Variants in ADAM7 observed in about 807,000 individuals in gnomAD.
ADAM7 encodes disintegrin and metalloproteinase domain-containing protein 7.
In ADAM7, 97 loss-of-function variants were observed where a neutral mutation model predicts 102.9. The ratio of observed to expected loss-of-function variants is 0.94; its 90% CI spans 0.80 to 1.12. ADAM7 has a LOEUF of 1.12. Ranked by LOEUF, ADAM7 falls within the 50% of genes most tolerant of loss-of-function variation. The pLI is 0.00. For synonymous variants in ADAM7, 334 were observed against 304.4 expected (o/e 1.10, Z -1.01); for missense variants, 991 against 908.7 (o/e 1.09, Z -1.16).
chr8:24,494,925 C>T (rs955113566), intron 16 of ADAM7, among the ~76,000 whole-genome samples: 2 of 152,166 alleles, frequency 1.3e-5, no homozygotes, highest in Admixed American at 1.3e-4. Context: ...CCTGCATCAG[C>T]AAGGATCAAG....
At chr8:24,485,459 T>C (rs1820109064) in intron 10 of ADAM7, 98 bp downstream of exon 10, 2 of 1,008,592 alleles carry the variant, frequency 2.0e-6, no homozygotes, top group Non-Finnish European at 3.0e-6. Context: ...CATTTTGTCA[T>C]ATATACTCAC....
intron 8 of ADAM7, among the ~76,000 whole-genome samples, chr8:24,480,519 T>G (rs1034146629): frequency 1.3e-5 from 2 of 152,156 alleles, no homozygotes; most frequent in Non-Finnish European, 2.9e-5. Flanking sequence ...ATTCCAAATG[T>G]GTGTATCCAA....
intron 16 of ADAM7, among the ~76,000 whole-genome samples, chr8:24,497,817 G>T (rs1277823143): frequency 6.6e-6 from 1 of 151,942 alleles, no homozygotes; most frequent in Non-Finnish European, 1.5e-5. Context: ...AAAGAGAAAA[G>T]GTCATTAATT....
At chr8:24,445,605 T>C (rs902351964) in intron 2 of ADAM7, among the ~76,000 whole-genome samples, 1 of 152,206 alleles carries the variant, frequency 6.6e-6, no homozygotes, top group Non-Finnish European at 1.5e-5. Context: ...TCAACAGCCT[T>C]AAATGGTTTT....
intron 4 of ADAM7, among the ~76,000 whole-genome samples, chr8:24,465,021 G>A (rs1455257444): frequency 6.6e-6 from 1 of 152,218 alleles, no homozygotes; most frequent in African/African-American, 2.4e-5. Flanking sequence ...TCTTGACCTT[G>A]TGATCCACCC....
intron 3 of ADAM7, among the ~76,000 whole-genome samples, chr8:24,448,448 T>C (rs1045674107): frequency 6.6e-6 from 1 of 152,144 alleles, no homozygotes; most frequent in African/African-American, 2.4e-5. Context: ...ACATCTGTAA[T>C]AGGCAACACT....
At chr8:24,469,355 G>A (rs959262559) in intron 7 of ADAM7, among the ~76,000 whole-genome samples, 1 of 152,156 alleles carries the variant, frequency 6.6e-6, no homozygotes, top group Non-Finnish European at 1.5e-5. Flanking sequence ...AACTGCAAGA[G>A]ATAAGGGAAA....
Position 24,460,740 on chromosome 8 carries a change from T to G in ADAM7, c.234-3142T>G, listed in dbSNP as rs1196333287. 4.0e-5 allele frequency among the ~76,000 whole-genome samples: 5 copies of G among 123,478 alleles called. No individual in the cohort carries two copies. The South Asian group carries it at 1.0e-3, about 25-fold the overall frequency. The allele number at this position is 123,478 out of a possible 152,430, so 81.0% of individuals were successfully genotyped here. On this transcript the variant is annotated intron_variant, in intron 3 of 21. Transcript: ENST00000175238. The stretch of plus-strand genomic sequence containing the variant: ...ATATACACATATATATGTGTGTATA[T>G]ATATGTATGTATGTGTGTGTGTGTG...
chr8:24,499,233 T>C lies in ADAM7; in HGVS notation c.1843-3T>C, dbSNP rs17052075. On this transcript the variant is annotated splice_region_variant and splice_polypyrimidine_tract_variant and intron_variant, in intron 16 of 21. Coordinates refer to ENST00000175238, the MANE Select transcript of ADAM7 (RefSeq NM_003817.4). ...AATTCATGCTTGGTTACTTCATTTC[T>C]AGGTGTGCAACAATGGTGAATGTCT... The C allele has an allele frequency of 7.0e-3, 10,977 of 1,578,252 alleles. 661 individuals are homozygous for C. In the African/African-American group the frequency reaches 0.13, roughly 19 times the overall value.
intron 3 of ADAM7, among the ~76,000 whole-genome samples, chr8:24,459,893 T>C (rs191190686): frequency 3.9e-5 from 6 of 152,314 alleles, no homozygotes; most frequent in South Asian, 4.1e-4. Context: ...AAATATTTAA[T>C]ATTTTCTAAG....
rs1415898811 is a variant in ADAM7, at chr8:24,491,258, G to C, written c.1356+370G>C. ...TAGCATTGGAAAGTGGCAGTGGCTA[G>C]TAAGTGGAGAAACGTTCCCGAGGAA... On this transcript the variant is annotated intron_variant, in intron 13 of 21. Transcript: ENST00000175238. Among the ~76,000 whole-genome samples the C allele has an allele frequency of 3.3e-5, 5 of 152,218 alleles. No individual in the cohort carries two copies. The South Asian group carries it at 8.3e-4, about 25-fold the overall frequency.
intron 3 of ADAM7, among the ~76,000 whole-genome samples, chr8:24,450,864 T>C (rs1403321916): frequency 6.6e-6 from 1 of 152,200 alleles, no homozygotes; most frequent in Non-Finnish European, 1.5e-5. Context: ...CATGAAGGGT[T>C]GTTGAATTTT....
rs963060807 is a variant in ADAM7, at chr8:24,485,201, G to T, written c.876-76G>T. On this transcript the variant is annotated intron_variant, in intron 9 of 21. Transcript: ENST00000175238. ...ATGCAAAAGCATTGGCATTGCTGGG[G>T]TTCACTGCAATTTGATCTTTGTGTT... 7 of 1,319,730 alleles carry T rather than the reference G, an allele frequency of 5.3e-6. No homozygotes were observed. The African/African-American group carries it at 7.3e-5, about 14-fold the overall frequency. 81.8% of individuals were successfully genotyped at this position (1,319,730 alleles called of 1,614,324 possible). A position where few individuals can be genotyped will look rare whatever the true frequency, so the allele number is the denominator to read the frequency against.
In ADAM7 at chr8:24,482,270, C is replaced by T. The variant is rs1819977569; in HGVS notation, c.834C>T (p.Ile278=). 6.2e-7 allele frequency: 1 copy of T among 1,610,608 alleles called. No individual in the cohort carries two copies. Among genetic ancestry groups the T allele is most frequent in the Admixed American group, 1.7e-5 (1 of 59,416 alleles). Residue 278 remains isoleucine, a synonymous_variant, in exon 9 of 22, where the codon ATC becomes ATT. Transcript: ENST00000175238. ...GTTTTTCATTTTGGCAAGAAAAGAT[C>T]CTTAAAACACGGAAGGATTTTGATC... ...LLRFSFWQEK[I]LKTRKDFDHV...
chr8:24,503,255 C>T (rs1004365073), intron 20 of ADAM7, among the ~76,000 whole-genome samples: 1 of 151,980 alleles, frequency 6.6e-6, no homozygotes, highest in Non-Finnish European at 1.5e-5. Flanking sequence ...TGTTGAAAAT[C>T]CTGCAGAAGT....
intron 3 of ADAM7, among the ~76,000 whole-genome samples, chr8:24,460,665 G>A (rs1379599667): frequency 4.0e-5 from 6 of 151,512 alleles, no homozygotes; most frequent in Non-Finnish European, 5.9e-5. Flanking sequence ...ATTGCAATAA[G>A]TTCATTTACA....
At chr8:24,486,677 C>G (rs1030299755) in intron 10 of ADAM7, among the ~76,000 whole-genome samples, 1 of 152,088 alleles carries the variant, frequency 6.6e-6, no homozygotes, top group Non-Finnish European at 1.5e-5. Flanking sequence ...ACAGTTGACA[C>G]CTTCTTGCTG....
chr8:24,508,322 CA>C (rs1333924794), intron 21 of ADAM7, among the ~76,000 whole-genome samples: 3 of 152,114 alleles, frequency 2.0e-5, no homozygotes, highest in Non-Finnish European at 2.9e-5. Flanking sequence ...TTTGGCATCC[CA>C]TAATGGAAAA....
At chr8:24,461,142 G>A (rs1301428210) in intron 3 of ADAM7, among the ~76,000 whole-genome samples, 1 of 151,924 alleles carries the variant, frequency 6.6e-6, no homozygotes, top group Non-Finnish European at 1.5e-5. Context: ...ACAGGCACCC[G>A]CCACCACGCC....
Sources: allele counts gnomAD v4.1 joint callset (sites outside exome capture counted in the v4.1 genomes callset), GRCh38; gene constraint gnomAD v4.1.1; transcripts MANE v1.5; gene names NCBI Gene and HGNC (gene_info 2026-07-23, HGNC 2026-07-21).